Variants in RELN observed in about 807,000 individuals in gnomAD.
RELN encodes the protein reelin.
RELN carries 108 observed loss-of-function variants against 427.6 expected under a neutral mutation model. The ratio of observed to expected loss-of-function variants is 0.25; its 90% CI spans 0.22 to 0.30. RELN has a LOEUF of 0.30. Ranked by LOEUF, RELN falls within the 10% of genes least tolerant of loss-of-function variation. The pLI, the probability that RELN is intolerant of heterozygous loss-of-function variation, is 1.00. For synonymous variants in RELN, 1,524 were observed against 1,513.4 expected, an observed-to-expected ratio of 1.01 and a Z score of -0.16; for missense variants, 3,715 against 4,302.8, an observed-to-expected ratio of 0.86 and a Z score of 3.82.
At chr7:103,527,210 C>T (rs929117285) in intron 46 of RELN, among the ~76,000 whole-genome samples, 1 of 152,162 alleles carries the variant, frequency 6.6e-6, no homozygotes, top group Non-Finnish European at 1.5e-5. Context: ...CTATGAAGTC[C>T]TCACTGTCGT....
chr7:103,918,396 T>A (rs533978103), intron 1 of RELN, among the ~76,000 whole-genome samples: 1 of 152,266 alleles, frequency 6.6e-6, no homozygotes, highest in East Asian at 1.9e-4. Context: ...ATTTCCAGCA[T>A]ACAAAAGAAG....
intron 1 of RELN, among the ~76,000 whole-genome samples, chr7:103,984,153 T>TAAA (rs71519166): frequency 6.9e-6 from 1 of 144,782 alleles, no homozygotes; most frequent in Non-Finnish European, 1.5e-5. Flanking sequence ...TCCCAGGAGG[T>TAAA]AAAAAAAAAA....
At chr7:103,749,628 A>T in intron 5 of RELN, 124 bp from the exon 6 acceptor site, 1 of 735,602 alleles carries the variant, frequency 1.4e-6, no homozygotes. Flanking sequence ...TTAAATGAGC[A>T]GTTGATTATA....
intron 6 of RELN, among the ~76,000 whole-genome samples, chr7:103,741,037 A>C (rs1790640405): frequency 6.6e-6 from 1 of 152,196 alleles, no homozygotes; most frequent in Admixed American, 6.5e-5. Flanking sequence ...TCCCTTTTCC[A>C]TACTGTTACA....
At chr7:103,612,811 A>T (rs1316841921) in intron 20 of RELN, among the ~76,000 whole-genome samples, 1 of 152,218 alleles carries the variant, frequency 6.6e-6, no homozygotes, top group Non-Finnish European at 1.5e-5. Flanking sequence ...AATTGTTTGA[A>T]GGCAGGCAAA....
chr7:103,699,614 A>G (rs1834049814), intron 9 of RELN, among the ~76,000 whole-genome samples: 1 of 152,134 alleles, frequency 6.6e-6, no homozygotes, highest in South Asian at 2.1e-4. Flanking sequence ...TTCCAGTAAG[A>G]AATATGTACC....
intron 2 of RELN, among the ~76,000 whole-genome samples, chr7:103,892,859 G>A (rs1437069588): frequency 1.3e-5 from 2 of 152,106 alleles, no homozygotes; most frequent in Admixed American, 1.3e-4. Flanking sequence ...ACATCTTTCA[G>A]AATATACCTA....
chr7:103,724,171 GCTTTT>G (rs1265446853), intron 7 of RELN, among the ~76,000 whole-genome samples: 4 of 139,394 alleles, frequency 2.9e-5, no homozygotes, highest in African/African-American at 1.1e-4. Flanking sequence ...TACTTTTGCT[GCTTTT>G]TTTTTTCGTT....
Position 103,833,749 on chromosome 7 carries a change from G to C in RELN, c.338-77C>G. The C allele has an allele frequency of 6.3e-6, 9 of 1,423,638 alleles. No individual in the cohort carries two copies. In the Admixed American group the frequency reaches 1.6e-4, roughly 25 times the overall value. The allele number at this position is 1,423,638 out of a possible 1,614,324, so 88.2% of individuals were successfully genotyped here. A position where few individuals can be genotyped will look rare whatever the true frequency, so the allele number is the denominator to read the frequency against. ...CTATCATGGCATCACAGTATTTTCT[G>C]AATATTTTTCTTTCATGTTAAGGTT... On this transcript the variant is annotated intron_variant, in intron 2 of 64. Transcript: ENST00000428762.
chr7:103,979,392 T>G (rs1796944546), intron 1 of RELN, among the ~76,000 whole-genome samples: 1 of 152,224 alleles, frequency 6.6e-6, no homozygotes, highest in Non-Finnish European at 1.5e-5. Context: ...TGCCATAAAG[T>G]CTAGAGCTGA....
intron 30 of RELN, among the ~76,000 whole-genome samples, chr7:103,572,924 T>C (rs1830916721): frequency 6.6e-6 from 1 of 151,898 alleles, no homozygotes; most frequent in African/African-American, 2.4e-5. Context: ...GGTATACACA[T>C]GCCATGGTGG....
chr7:103,567,958 G>A (rs1172806621), intron 31 of RELN, among the ~76,000 whole-genome samples: 2 of 151,768 alleles, frequency 1.3e-5, no homozygotes, highest in East Asian at 1.9e-4. Context: ...CACCTCGCTC[G>A]GCTAATTTTT....
At chr7:103,951,828 A>G (rs184845352) in intron 1 of RELN, among the ~76,000 whole-genome samples, 189 of 152,306 alleles carry the variant, frequency 1.2e-3, no homozygotes, top group African/African-American at 4.4e-3. Context: ...ACATGCAACA[A>G]TGCCTGGCTA....
At chr7:103,754,505 G>T (rs1302431315) in intron 4 of RELN, among the ~76,000 whole-genome samples, 1 of 152,078 alleles carries the variant, frequency 6.6e-6, no homozygotes, top group Non-Finnish European at 1.5e-5. Context: ...GAGAGAAGTA[G>T]CTCATGCCTG....
chr7:103,845,594 C>G (rs1176968582), intron 2 of RELN, among the ~76,000 whole-genome samples: 1 of 152,170 alleles, frequency 6.6e-6, no homozygotes, highest in Non-Finnish European at 1.5e-5. Flanking sequence ...TTTTCAACAT[C>G]ATCCATCTAA....
chr7:103,927,551 G>A (rs750512235), intron 1 of RELN, among the ~76,000 whole-genome samples: 25 of 152,124 alleles, frequency 1.6e-4, no homozygotes, highest in Non-Finnish European at 3.2e-4. Flanking sequence ...GATGGCATCT[G>A]ATATTTGGGA....
intron 10 of RELN, among the ~76,000 whole-genome samples, chr7:103,691,682 G>T (rs117781156): frequency 6.6e-6 from 1 of 151,916 alleles, no homozygotes; most frequent in Non-Finnish European, 1.5e-5. Flanking sequence ...GTGTGGTGGC[G>T]CACACCTGTA....
chr7:103,747,945 C>A (rs2116056620), intron 6 of RELN, among the ~76,000 whole-genome samples: 2 of 151,946 alleles, frequency 1.3e-5, no homozygotes, highest in South Asian at 4.1e-4. Context: ...TAAACAACAA[C>A]AGAATTTGCA....
At chr7:103,549,130 A>C (rs1373162934) in intron 41 of RELN, among the ~76,000 whole-genome samples, 12 of 152,116 alleles carry the variant, frequency 7.9e-5, no homozygotes, top group Admixed American at 4.6e-4. Context: ...CTGTATCTAG[A>C]AGCCTGTCTT....
Sources: gnomAD v4.1 joint callset for allele counts (sites outside exome capture counted in the v4.1 genomes callset) on GRCh38, gnomAD v4.1.1 for gene constraint, MANE v1.5 for transcripts, NCBI Gene and HGNC (gene_info 2026-07-23, HGNC 2026-07-21) for gene names.